PGCKA1: variants seen among roughly 807,000 people sequenced by gnomAD.
PGCKA1 encodes PDCD10 and GCKIII kinases-associated protein 1.
chr4:37,463,668 G>A, the PGCKA1 span, among the ~76,000 whole-genome samples: 2 of 152,144 alleles, frequency 1.3e-5, no homozygotes, highest in African/African-American at 2.4e-5. Flanking sequence ...CTGGGGAGGT[G>A]AGCCTGAAAA....
the PGCKA1 span, among the ~76,000 whole-genome samples, chr4:37,499,748 A>G: frequency 6.6e-6 from 1 of 151,780 alleles, no homozygotes; most frequent in Non-Finnish European, 1.5e-5. Context: ...TCAAAAAAAC[A>G]CACTTCTAGA....
At chr4:37,577,483 G>A in the PGCKA1 span, among the ~76,000 whole-genome samples, 1,714 of 150,958 alleles carry the variant, frequency 0.011, 22 homozygotes, top group South Asian at 0.038. Flanking sequence ...CTGGCTAAAG[G>A]TTTGCCAGTT....
At chr4:37,592,583 A>G in the PGCKA1 span, among the ~76,000 whole-genome samples, 1 of 152,218 alleles carries the variant, frequency 6.6e-6, no homozygotes, top group African/African-American at 2.4e-5. Context: ...TAAAGGCATT[A>G]AGGATGCTCA....
At chr4:37,538,222 C>T in the PGCKA1 span, among the ~76,000 whole-genome samples, 1 of 152,218 alleles carries the variant, frequency 6.6e-6, no homozygotes, top group African/African-American at 2.4e-5. Context: ...GAACTGTTAG[C>T]ACCACAGCCG....
chr4:37,532,138 T>C, the PGCKA1 span, among the ~76,000 whole-genome samples: 9 of 152,096 alleles, frequency 5.9e-5, no homozygotes, highest in Non-Finnish European at 2.9e-5. Context: ...ATATGATAAA[T>C]CAATGCTTGA....
chr4:37,567,138 TAAC>T, the PGCKA1 span, among the ~76,000 whole-genome samples: 26 of 152,216 alleles, frequency 1.7e-4, no homozygotes, highest in East Asian at 1.2e-3. Context: ...ATAAAAACAA[TAAC>T]AACATTAATA....
the PGCKA1 span, among the ~76,000 whole-genome samples, chr4:37,472,876 A>C: frequency 6.6e-6 from 1 of 152,174 alleles, no homozygotes; most frequent in Non-Finnish European, 1.5e-5. Context: ...GTTCTATACT[A>C]TCTATGAGTT....
chr4:37,513,105 AG>A, the PGCKA1 span, among the ~76,000 whole-genome samples: 75 of 44,160 alleles, frequency 1.7e-3, 1 homozygote, highest in South Asian at 2.4e-3. Context: ...AAAAAAAGAA[AG>A]AAAGAAAGAA....
chr4:37,559,337 C>T, the PGCKA1 span, among the ~76,000 whole-genome samples: 44,023 of 131,166 alleles, frequency 0.34, 7,466 homozygotes, highest in Non-Finnish European at 0.37. Context: ...AGTAAACTAT[C>T]GCAAGAACAA....
At chr4:37,494,368 A>G in the PGCKA1 span, among the ~76,000 whole-genome samples, 2 of 152,312 alleles carry the variant, frequency 1.3e-5, no homozygotes, top group South Asian at 4.1e-4. Context: ...CTTATAAGTG[A>G]TAACATGCAA....
chr4:37,561,062 T>C, the PGCKA1 span, among the ~76,000 whole-genome samples: 3 of 152,182 alleles, frequency 2.0e-5, no homozygotes, highest in Admixed American at 2.0e-4. Flanking sequence ...TCCACTGCTC[T>C]ACAACCTTCC....
At chr4:37,485,148 T>C in the PGCKA1 span, among the ~76,000 whole-genome samples, 1 of 152,228 alleles carries the variant, frequency 6.6e-6, no homozygotes, top group Non-Finnish European at 1.5e-5. Flanking sequence ...ATGATCTTTA[T>C]TGGAGTTAAG....
chr4:37,527,182 T>C, the PGCKA1 span, among the ~76,000 whole-genome samples: 1 of 152,156 alleles, frequency 6.6e-6, no homozygotes, highest in African/African-American at 2.4e-5. Flanking sequence ...CACAATGTAT[T>C]TGTGTTTTAA....
the PGCKA1 span, among the ~76,000 whole-genome samples, chr4:37,575,217 C>T: frequency 6.9e-6 from 1 of 144,270 alleles, no homozygotes; most frequent in Non-Finnish European, 1.5e-5. Flanking sequence ...TTCCCACCAA[C>T]TGTGTATGAG....
the PGCKA1 span, among the ~76,000 whole-genome samples, chr4:37,567,066 A>AAATAAAAT: frequency 3.7e-4 from 56 of 150,046 alleles, no homozygotes; most frequent in African/African-American, 1.3e-3. Context: ...GCGGACAAAA[A>AAATAAAAT]AAAATAAAAT....
chr4:37,570,146 A>AT, the PGCKA1 span, among the ~76,000 whole-genome samples: 32,909 of 78,676 alleles, frequency 0.42, 6,795 homozygotes, highest in East Asian at 0.48. Context: ...CGCCTGGCTA[A>AT]TTTTTTTTTT....
the PGCKA1 span, among the ~76,000 whole-genome samples, chr4:37,550,369 A>AG: frequency 5.3e-5 from 8 of 152,054 alleles, no homozygotes; most frequent in African/African-American, 1.9e-4. Flanking sequence ...CACAGTAAAA[A>AG]AAAAAATTAA....
chr4:37,504,300 A>C, the PGCKA1 span, among the ~76,000 whole-genome samples: 5 of 152,164 alleles, frequency 3.3e-5, 1 homozygote, highest in Admixed American at 3.3e-4. Flanking sequence ...GTCTCATTTT[A>C]TGCCACTATC....
the PGCKA1 span, among the ~76,000 whole-genome samples, chr4:37,589,535 T>A: frequency 3.9e-5 from 6 of 152,328 alleles, no homozygotes; most frequent in South Asian, 1.2e-3. Flanking sequence ...GTTTTATTTG[T>A]TTTTTATTTT....
Sources: gnomAD v4.1 joint callset for allele counts (sites outside exome capture counted in the v4.1 genomes callset) on GRCh38, gnomAD v4.1.1 for gene constraint, MANE v1.5 for transcripts, NCBI Gene and HGNC (gene_info 2026-07-23, HGNC 2026-07-21) for gene names.